The following NCS1 variants were observed in gnomAD, a reference collection of about 807,000 sequenced individuals.
NCS1 encodes the protein neuronal calcium sensor 1.
Under a neutral mutation model 28.4 loss-of-function variants are expected in NCS1, and 6 were observed. The ratio of observed to expected loss-of-function variants is 0.21; its 90% CI spans 0.12 to 0.42. NCS1 has a LOEUF of 0.42. Among genes scored for constraint, NCS1 ranks in the 10% least tolerant of loss-of-function variants. The probability of loss-of-function intolerance (pLI) is 1.00; values close to 1 mark genes in which losing one functional copy is unlikely to be tolerated. For synonymous variants in NCS1, 86 were observed against 99.3 expected (o/e 0.87, Z 0.79); for missense variants, 131 against 241.4 (o/e 0.54, Z 3.03).
In NCS1 at chr9:130,180,770, A is replaced by G. The variant is rs556738244; in HGVS notation, c.64+8043A>G. Among the ~76,000 whole-genome samples the G allele has an allele frequency of 1.3e-5, 2 of 152,326 alleles. No homozygotes were observed. The highest frequency in any genetic ancestry group is 4.8e-5 in the African/African-American group (2 of 41,568). On this transcript the variant is annotated intron_variant, in intron 1 of 7. Transcript: ENST00000372398. The surrounding 1 kb of genome is among the most constrained non-coding windows in gnomAD (Gnocchi z 4.5). ...AGGAGGCTGCTGGACCGGCTGTATCAGGGACAGCCGTTCTTGGCCACTCCC... is the reference window on the plus strand; with the variant it reads ...AGGAGGCTGCTGGACCGGCTGTATCGGGGACAGCCGTTCTTGGCCACTCCC...
chr9:130,187,176 G>C (rs79487796), intron 1 of NCS1, among the ~76,000 whole-genome samples: 3,000 of 152,242 alleles, frequency 0.02, 88 homozygotes, highest in African/African-American at 0.066. Context: ...CCTGGGAGAC[G>C]GGGGGCCCTG....
chr9:130,183,487 G>A (rs1554905338), intron 1 of NCS1, among the ~76,000 whole-genome samples: 1 of 152,158 alleles, frequency 6.6e-6, no homozygotes, highest in African/African-American at 2.4e-5. Context: ...TTAACCCAAG[G>A]CAGAAATAGC....
chr9:130,174,847 C>T (rs1832541093), intron 1 of NCS1, among the ~76,000 whole-genome samples: 1 of 144,286 alleles, frequency 6.9e-6, no homozygotes, highest in Non-Finnish European at 1.5e-5. Flanking sequence ...GCTAGAAGCC[C>T]ATGATGGTGG....
At chr9:130,214,242 G>C (rs1036099669) in intron 2 of NCS1, among the ~76,000 whole-genome samples, 1 of 152,244 alleles carries the variant, frequency 6.6e-6, no homozygotes, top group Non-Finnish European at 1.5e-5. Flanking sequence ...CTGGGGCTGG[G>C]CCGACTTCCT....
rs1424452808 is a variant in NCS1 at position 130,200,806 on chromosome 9, A to C, written c.65-152A>C. 4.3e-6 allele frequency: 6 copies of C among 1,390,060 alleles called. No individual in the cohort carries two copies. In the Admixed American group the frequency reaches 1.0e-4, roughly 23 times the overall value. The allele number at this position is 1,390,060 out of a possible 1,614,324, so 86.1% of individuals were successfully genotyped here. ...AGCCCCTGGCTAGGACTGCTCACCA[A>C]GGGAGCATTTTCTCATCCAGAGCAG... is the stretch of plus-strand genomic sequence containing the variant. On this transcript the variant is annotated intron_variant, in intron 1 of 7. Coordinates refer to ENST00000372398, the MANE Select transcript of NCS1 (RefSeq NM_014286.4).
intron 2 of NCS1, among the ~76,000 whole-genome samples, chr9:130,212,800 C>T (rs1441653562): frequency 6.6e-6 from 1 of 152,066 alleles, no homozygotes; most frequent in East Asian, 1.9e-4. Context: ...GCAGCTCACT[C>T]GGGTGCCCAC....
Position 130,226,467 on chromosome 9 carries a change from C to A in NCS1, c.553C>A (p.Leu185Ile). 1 of 1,613,858 alleles carries A rather than the reference C, an allele frequency of 6.2e-7. No homozygotes were observed. Among genetic ancestry groups the A allele is most frequent in the Non-Finnish European group, 8.5e-7 (1 of 1,179,890 alleles). Reference sequence around the variant, plus strand: ...CCCGTCCATTGTGCAGGCGCTGTCCCTCTACGACGGGCTGGTATAGTCCCA... The same window carrying A: ...CCCGTCCATTGTGCAGGCGCTGTCCATCTACGACGGGCTGGTATAGTCCCA... The part of the protein sequence containing the change: ...ADPSIVQALS[L>I]YDGLV The change falls in exon 7 of 8, where the codon CTC (leucine) becomes ATC (isoleucine). Residue 185 changes from leucine to isoleucine, a missense_variant. By Grantham distance (5) the Leu-to-Ile change is conservative. Transcript: ENST00000372398. The surrounding 1 kb of genome is among the most constrained non-coding windows in gnomAD (Gnocchi z 4.8).
At position 130,181,024 on chromosome 9, in the gene NCS1, C is replaced by T. The variant is rs1041292200; in HGVS notation, c.64+8297C>T. 3.3e-5 allele frequency among the ~76,000 whole-genome samples: 5 copies of T among 152,152 alleles called. No homozygotes were observed. The highest frequency in any genetic ancestry group is 1.2e-4 in the African/African-American group (5 of 41,424). The stretch of plus-strand genomic sequence containing the variant: ...ACAGCAGCCTGCCTGGGATTAAGTC[C>T]CAGGACCATCATGGCCTGGACAGTG... On this transcript the variant is annotated intron_variant, in intron 1 of 7. Coordinates refer to ENST00000372398, the MANE Select transcript of NCS1 (RefSeq NM_014286.4). The surrounding 1 kb of genome is among the most constrained non-coding windows in gnomAD (Gnocchi z 5.0).
Position 130,237,242 on chromosome 9 carries a change from A to G in NCS1, c.*4270A>G, listed in dbSNP as rs567657820. On this transcript the variant is annotated 3_prime_UTR_variant, in exon 8 of 8. Transcript: ENST00000372398. The stretch of plus-strand genomic sequence containing the variant: ...CGTGTAGCATGCCCCAGCCTCCCCA[A>G]GCTCCTGCTGTATGTCGTCCATGTC... 19 of 152,366 alleles carry G rather than the reference A, an allele frequency of 1.2e-4. No homozygotes were observed. Among genetic ancestry groups the G allele is most frequent in the South Asian group, 6.2e-4 (3 of 4,824 alleles). The allele number at this position is 152,366 out of a possible 1,614,324, so 9.4% of individuals were successfully genotyped here. A position where few individuals can be genotyped will look rare whatever the true frequency, so the allele number is the denominator to read the frequency against.
Position 130,191,554 on chromosome 9 carries a change from G to A in NCS1, c.65-9404G>A, listed in dbSNP as rs1166022404. On this transcript the variant is annotated intron_variant, in intron 1 of 7. Coordinates refer to ENST00000372398, the MANE Select transcript of NCS1 (RefSeq NM_014286.4). The surrounding 1 kb of genome is among the most constrained non-coding windows in gnomAD (Gnocchi z 6.4). ...GCCGGTAGGGGGTGGTCAGAGCCTG[G>A]TCAGCTGGATGGCCGTGGGCATGGG... Among the ~76,000 whole-genome samples, 1 of 152,214 alleles carries A rather than the reference G, an allele frequency of 6.6e-6. No individual in the cohort carries two copies. Among genetic ancestry groups the A allele is most frequent in the Non-Finnish European group, 1.5e-5 (1 of 68,036 alleles).
chr9:130,228,762 G>A (rs1365954565), intron 7 of NCS1, among the ~76,000 whole-genome samples: 1 of 151,556 alleles, frequency 6.6e-6, no homozygotes, highest in East Asian at 1.9e-4. Context: ...TGCCTCCTGG[G>A]TTCAAACAAT....
rs1015741823 is a variant in NCS1, at chr9:130,225,759, C to T, written c.475-630C>T. The stretch of plus-strand genomic sequence containing the variant: ...AGCACAGCTCGGTTGTGCTCATCGG[C>T]GCTGTTTTCGGCACTTACCCTCTCT... On this transcript the variant is annotated intron_variant, in intron 6 of 7. Coordinates refer to ENST00000372398, the MANE Select transcript of NCS1 (RefSeq NM_014286.4). 3.3e-5 allele frequency among the ~76,000 whole-genome samples: 5 copies of T among 152,224 alleles called. 1 individual carries two copies. Among genetic ancestry groups the T allele is most frequent in the South Asian group, 2.1e-4 (1 of 4,830 alleles).
chr9:130,177,300 A>G lies in NCS1; in HGVS notation c.64+4573A>G, dbSNP rs557354423. ...CTAGGGTGAGGAATATTCTCTGATC[A>G]TCACTCCCCACCCAACTCTGCTCAA... On this transcript the variant is annotated intron_variant, in intron 1 of 7. Transcript: ENST00000372398. The surrounding 1 kb of genome is among the most constrained non-coding windows in gnomAD (Gnocchi z 4.4). Among the ~76,000 whole-genome samples, 72 of 152,154 alleles carry G rather than the reference A, an allele frequency of 4.7e-4. 1 individual carries two copies. The highest frequency in any genetic ancestry group is 8.8e-4 in the Non-Finnish European group (60 of 67,980).
intron 2 of NCS1, among the ~76,000 whole-genome samples, chr9:130,201,837 G>A (rs917283719): frequency 8.5e-5 from 13 of 152,230 alleles, no homozygotes; most frequent in African/African-American, 2.9e-4. Flanking sequence ...TTGAGTTTCC[G>A]CCCTCACTTT....
intron 7 of NCS1, among the ~76,000 whole-genome samples, chr9:130,230,699 ACT>A (rs1833488675): frequency 1.4e-5 from 2 of 147,642 alleles, no homozygotes. Context: ...ACAGTGTAAG[ACT>A]CTGTCTCTTT....
intron 1 of NCS1, among the ~76,000 whole-genome samples, chr9:130,172,966 G>A (rs1216639677): frequency 2.0e-5 from 3 of 151,846 alleles, no homozygotes; most frequent in Non-Finnish European, 2.9e-5. Flanking sequence ...CGTGCGCGGC[G>A]CCACCCCTAG....
chr9:130,221,391 T>TATTTAATATATATATAAAATATC (rs1833288391), intron 4 of NCS1, among the ~76,000 whole-genome samples: 1 of 36,376 alleles, frequency 2.7e-5, no homozygotes, highest in Admixed American at 2.8e-4. Flanking sequence ...TATATATATA[T>TATTTAATATATATATAAAATATC]ATATATATAT....
intron 1 of NCS1, among the ~76,000 whole-genome samples, chr9:130,198,319 G>C (rs184366082): frequency 2.0e-4 from 31 of 152,272 alleles, no homozygotes; most frequent in Middle Eastern, 3.4e-3. Context: ...AGACATGGGT[G>C]GGGGGTGTCA....
chr9:130,216,809 A>G (rs1001742), intron 2 of NCS1, among the ~76,000 whole-genome samples: 143,040 of 151,686 alleles, frequency 0.94, 67,457 homozygotes, highest in East Asian at 1. Context: ...CAGTCGCGTC[A>G]GGCCCTGCAA....
Sources: allele counts gnomAD v4.1 joint callset (sites outside exome capture counted in the v4.1 genomes callset), GRCh38; gene constraint gnomAD v4.1.1; non-coding constraint Gnocchi (gnomAD v3.1); transcripts MANE v1.5; gene names NCBI Gene and HGNC (gene_info 2026-07-23, HGNC 2026-07-21).